Variants in PTPRT observed in about 807,000 individuals in gnomAD.
PTPRT encodes protein tyrosine phosphatase receptor type T.
PTPRT carries 56 observed loss-of-function variants against 176.8 expected under a neutral mutation model. That is an observed-to-expected ratio of 0.32 (90% CI 0.26 to 0.40). PTPRT has a LOEUF of 0.40. Among genes scored for constraint, PTPRT ranks in the 10% least tolerant of loss-of-function variants. The pLI, the probability that PTPRT is intolerant of heterozygous loss-of-function variation, is 1.00. For missense variants in PTPRT, 1,540 were observed against 1,908.2 expected (o/e 0.81, Z 3.60); for synonymous variants, 783 against 739.0 (o/e 1.06, Z -0.96).
intron 23 of PTPRT, among the ~76,000 whole-genome samples, chr20:42,109,354 C>T (rs1394118081): frequency 6.6e-6 from 1 of 152,122 alleles, no homozygotes; most frequent in East Asian, 1.9e-4. Context: ...AGCTGGCCAG[C>T]CTTCAGGTCA....
chr20:42,457,486 C>T (rs750964562), intron 8 of PTPRT, among the ~76,000 whole-genome samples: 2 of 152,160 alleles, frequency 1.3e-5, no homozygotes, highest in Non-Finnish European at 1.5e-5. Context: ...AGAATGAAAG[C>T]ATTTTTAAAA....
At chr20:43,157,042 G>A (rs1025132627) in intron 1 of PTPRT, among the ~76,000 whole-genome samples, 2 of 151,892 alleles carry the variant, frequency 1.3e-5, no homozygotes, top group Non-Finnish European at 2.9e-5. Context: ...TAAGCCATTG[G>A]GACACAGCAA....
At chr20:43,114,063 T>C (rs1209170008) in intron 1 of PTPRT, among the ~76,000 whole-genome samples, 1 of 152,186 alleles carries the variant, frequency 6.6e-6, no homozygotes. Flanking sequence ...ATACACAAAC[T>C]TCACAAAAAA....
At chr20:43,158,276 G>C (rs757962727) in intron 1 of PTPRT, among the ~76,000 whole-genome samples, 3 of 152,156 alleles carry the variant, frequency 2.0e-5, no homozygotes, top group Non-Finnish European at 4.4e-5. Context: ...AGTTGCCATT[G>C]ACTGACATGA....
At chr20:43,015,053 T>C (rs561464562) in intron 1 of PTPRT, among the ~76,000 whole-genome samples, 32 of 152,330 alleles carry the variant, frequency 2.1e-4, no homozygotes, top group African/African-American at 7.2e-4. Context: ...TCCTTCTCTT[T>C]TATGCCCTGT....
the PTPRT span, among the ~76,000 whole-genome samples, chr20:42,034,570 C>T: frequency 0.075 from 11,401 of 152,114 alleles, 551 homozygotes; most frequent in African/African-American, 0.14. Context: ...TACAAGGATC[C>T]TCATGTAGGG....
chr20:42,787,432 A>G (rs1217221517), intron 3 of PTPRT, among the ~76,000 whole-genome samples: 1 of 152,192 alleles, frequency 6.6e-6, no homozygotes, highest in Non-Finnish European at 1.5e-5. Context: ...TTAAACACCA[A>G]TAAATGGATT....
intron 7 of PTPRT, among the ~76,000 whole-genome samples, chr20:42,577,425 G>A (rs1043914639): frequency 3.3e-5 from 5 of 152,320 alleles, no homozygotes; most frequent in East Asian, 1.9e-4. Flanking sequence ...GAGGGGCTAA[G>A]GGGACACAGA....
At chr20:42,385,970 C>A (rs1337229284) in intron 9 of PTPRT, among the ~76,000 whole-genome samples, 1 of 152,126 alleles carries the variant, frequency 6.6e-6, no homozygotes, top group East Asian at 1.9e-4. Flanking sequence ...GTTTTCTTAT[C>A]ACAATATAAA....
At chr20:42,373,437 TC>T (rs796526631) in intron 9 of PTPRT, among the ~76,000 whole-genome samples, 3 of 152,288 alleles carry the variant, frequency 2.0e-5, no homozygotes, top group African/African-American at 7.2e-5. Flanking sequence ...ACTGACAGGA[TC>T]CTATCATTGA....
chr20:42,769,174 T>C (rs1278389474), intron 5 of PTPRT, among the ~76,000 whole-genome samples: 3 of 152,208 alleles, frequency 2.0e-5, no homozygotes, highest in African/African-American at 7.2e-5. Context: ...GAACAGGTAT[T>C]TCACGCTGCT....
intron 1 of PTPRT, among the ~76,000 whole-genome samples, chr20:42,930,531 G>A (rs1407461417): frequency 6.6e-6 from 1 of 151,918 alleles, no homozygotes; most frequent in African/African-American, 2.4e-5. Context: ...TGTCCAGGCT[G>A]GAGTGCAGTG....
intron 8 of PTPRT, among the ~76,000 whole-genome samples, chr20:42,469,687 TAC>T (rs1311596092): frequency 1.4e-5 from 2 of 148,084 alleles, no homozygotes; most frequent in Admixed American, 6.9e-5. Context: ...CTGGAAGTTT[TAC>T]AGAGTCTACT....
chr20:42,713,846 C>T lies in PTPRT; in HGVS notation c.860-35687G>A, dbSNP rs574886553. Among the ~76,000 whole-genome samples the T allele has an allele frequency of 6.6e-5, 10 of 152,256 alleles. No homozygotes were observed. The East Asian group carries it at 1.3e-3, about 21-fold the overall frequency. ...CCTCCCCCTCTCTCTTCCTCCAGTT[C>T]GGGCCATGTGACATGCCTGCTTCCC... On this transcript the variant is annotated intron_variant, in intron 6 of 30. Coordinates refer to ENST00000373187, the MANE Select transcript of PTPRT (RefSeq NM_007050.6).
At chr20:42,919,979 C>T (rs1456195239) in intron 1 of PTPRT, among the ~76,000 whole-genome samples, 1 of 152,198 alleles carries the variant, frequency 6.6e-6, no homozygotes, top group Non-Finnish European at 1.5e-5. Context: ...AATTCTAGTC[C>T]ACTTTGTTAC....
At chr20:42,255,544 G>C (rs2056623761) in intron 13 of PTPRT, among the ~76,000 whole-genome samples, 2 of 152,272 alleles carry the variant, frequency 1.3e-5, no homozygotes, top group South Asian at 4.1e-4. Flanking sequence ...AGAGCCCCTA[G>C]AGTGATTCAC....
chr20:42,382,767 C>T (rs1259424143), intron 9 of PTPRT, among the ~76,000 whole-genome samples: 1 of 152,132 alleles, frequency 6.6e-6, no homozygotes, highest in African/African-American at 2.4e-5. Context: ...GGACGGTAAC[C>T]ACTTTTCCAT....
At chr20:42,269,501 G>A (rs1362421418) in intron 13 of PTPRT, among the ~76,000 whole-genome samples, 4 of 152,178 alleles carry the variant, frequency 2.6e-5, no homozygotes, top group African/African-American at 9.7e-5. Flanking sequence ...GTAATAAAGA[G>A]GTCTCTAGGT....
Position 42,077,520 on chromosome 20 carries a change from G to T in PTPRT, c.*3359C>A. 1 of 219,852 alleles carries T rather than the reference G, an allele frequency of 4.5e-6. No individual in the cohort carries two copies. Among genetic ancestry groups the T allele is most frequent in the Non-Finnish European group, 9.1e-6 (1 of 109,410 alleles). The allele number at this position is 219,852 out of a possible 1,614,324, so 13.6% of individuals were successfully genotyped here. On this transcript the variant is annotated 3_prime_UTR_variant, in exon 31 of 31. Transcript: ENST00000373187. Reference sequence around the variant, plus strand: ...GCTCACCCTGTAAATGGGGTGGGGTGGGGAGACCCCCTGGGGGTGGTGGTG... The same window carrying T: ...GCTCACCCTGTAAATGGGGTGGGGTTGGGAGACCCCCTGGGGGTGGTGGTG...
Sources: allele counts gnomAD v4.1 joint callset (sites outside exome capture counted in the v4.1 genomes callset), GRCh38; gene constraint gnomAD v4.1.1; transcripts MANE v1.5; gene names NCBI Gene and HGNC (gene_info 2026-07-23, HGNC 2026-07-21).